The following PFKP variants were observed in gnomAD, a reference collection of about 807,000 sequenced individuals.
PFKP encodes ATP-dependent 6-phosphofructokinase, platelet type.
In PFKP, 101 loss-of-function variants were observed where a neutral mutation model predicts 94.3. That is an observed-to-expected ratio of 1.07 (90% confidence interval 0.91 to 1.26). The LOEUF is 1.26. Ranked by LOEUF, PFKP falls within the 50% of genes most tolerant of loss-of-function variation. The pLI is 0.00. For missense variants in PFKP, 1,145 were observed against 1,103.3 expected (o/e 1.04, Z -0.53); for synonymous variants, 573 against 432.6 (o/e 1.32, Z -4.03).
chr10:3,133,335 G>A (rs1838819303), intron 19 of PFKP, 21 bp downstream of exon 19: 1 of 1,478,418 alleles, frequency 6.8e-7, no homozygotes, highest in Non-Finnish European at 9.5e-7. Flanking sequence ...GACTGCATGA[G>A]GGGCCACAAA....
chr10:3,076,298 C>T (rs957589877), intron 1 of PFKP, among the ~76,000 whole-genome samples: 2 of 152,040 alleles, frequency 1.3e-5, no homozygotes, highest in South Asian at 2.1e-4. Flanking sequence ...GGTGTTTTTG[C>T]GAAGGCTCTG....
intron 2 of PFKP, among the ~76,000 whole-genome samples, chr10:3,083,136 G>T (rs540829694): frequency 7.2e-5 from 11 of 152,342 alleles, no homozygotes; most frequent in African/African-American, 2.6e-4. Context: ...TGCTGTAGAA[G>T]TGATTTATTA....
At chr10:3,110,514 CTGT>C (rs1329653481) in intron 10 of PFKP, among the ~76,000 whole-genome samples, 2 of 152,058 alleles carry the variant, frequency 1.3e-5, no homozygotes, top group South Asian at 4.1e-4. Flanking sequence ...CCACGCCCAG[CTGT>C]TGTTTTATTT....
intron 16 of PFKP, chr10:3,125,313 G>C (rs1588549592): frequency 9.1e-7 from 1 of 1,099,230 alleles, no homozygotes; most frequent in South Asian, 1.7e-5. Flanking sequence ...TGTTTCTTCT[G>C]TGCTAAGGAT....
intron 1 of PFKP, among the ~76,000 whole-genome samples, chr10:3,078,303 G>C (rs1429920991): frequency 2.0e-5 from 3 of 152,184 alleles, no homozygotes. Context: ...CTGTCCTGTG[G>C]GTGACAGCCC....
At chr10:3,095,900 G>A (rs898854001) in intron 2 of PFKP, among the ~76,000 whole-genome samples, 3 of 152,176 alleles carry the variant, frequency 2.0e-5, no homozygotes, top group African/African-American at 4.8e-5. Context: ...CTTAGCTCAC[G>A]CATGCACTAG....
intron 13 of PFKP, among the ~76,000 whole-genome samples, chr10:3,115,180 C>T (rs1417549869): frequency 6.6e-6 from 1 of 152,148 alleles, no homozygotes; most frequent in Non-Finnish European, 1.5e-5. Context: ...ACACTTCTTG[C>T]AGGTAGGATG....
chr10:3,068,933 G>A (rs1831955314), intron 1 of PFKP, among the ~76,000 whole-genome samples: 1 of 152,166 alleles, frequency 6.6e-6, no homozygotes, highest in African/African-American at 2.4e-5. Context: ...TTGGAGCGGG[G>A]ATGCACCCCC....
chr10:3,097,120 G>C (rs1316408212), intron 2 of PFKP, among the ~76,000 whole-genome samples: 2 of 148,996 alleles, frequency 1.3e-5, no homozygotes, highest in East Asian at 3.9e-4. Context: ...TGGGGTGGTA[G>C]AGATCACTGA....
At chr10:3,118,985 C>T (rs1435784908) in intron 15 of PFKP, 116 bp downstream of exon 15, 2 of 714,386 alleles carry the variant, frequency 2.8e-6, no homozygotes, top group Non-Finnish European at 4.7e-6. Flanking sequence ...GGTTCCCAGA[C>T]CCAGCGGCCA....
chr10:3,083,273 A>AGT (rs1221109518), intron 2 of PFKP, among the ~76,000 whole-genome samples: 3 of 152,238 alleles, frequency 2.0e-5, no homozygotes, highest in African/African-American at 7.2e-5. Flanking sequence ...AAATAGCAGG[A>AGT]GTGACTCCCT....
At chr10:3,122,676 C>T (rs912412891) in intron 16 of PFKP, among the ~76,000 whole-genome samples, 3 of 152,186 alleles carry the variant, frequency 2.0e-5, no homozygotes, top group African/African-American at 7.2e-5. Context: ...CCGGCCACAC[C>T]CTCTGTGACT....
At chr10:3,107,914 C>T (rs1564312335) in intron 8 of PFKP, 1 of 1,289,574 alleles carries the variant, frequency 7.8e-7, no homozygotes, top group East Asian at 5.5e-5. Flanking sequence ...GCTGCCGGGG[C>T]TGGGGATGGG....
chr10:3,132,252 G>A (rs144427517), intron 17 of PFKP, 128 bp from the exon 18 acceptor site: 28 of 669,870 alleles, frequency 4.2e-5, no homozygotes, highest in African/African-American at 2.7e-4. Context: ...CCCAAGCCGC[G>A]AGAGCTGCAG....
At chr10:3,090,567 C>G (rs10751914) in intron 2 of PFKP, among the ~76,000 whole-genome samples, 118,812 of 151,928 alleles carry the variant, frequency 0.78, 47,373 homozygotes, top group East Asian at 0.94. Flanking sequence ...CCCTCCCCGG[C>G]CTGGTCTCTG....
chr10:3,134,918 GC>G (rs1839050895), intron 20 of PFKP, among the ~76,000 whole-genome samples: 1 of 152,142 alleles, frequency 6.6e-6, no homozygotes, highest in African/African-American at 2.4e-5. Context: ...TTGAATGTTT[GC>G]TAGGACAACC....
intron 16 of PFKP, among the ~76,000 whole-genome samples, chr10:3,122,294 G>C (rs935750239): frequency 6.6e-6 from 1 of 152,132 alleles, no homozygotes; most frequent in African/African-American, 2.4e-5. Flanking sequence ...TTCTAGTCTC[G>C]TGATGGGTGA....
At position 3,107,814 on chromosome 10, in the gene PFKP, G is replaced by A. The variant is rs538971657; in HGVS notation, c.870+505G>A. On this transcript the variant is annotated intron_variant, in intron 8 of 21. Coordinates refer to ENST00000381125, the MANE Select transcript of PFKP (RefSeq NM_002627.5). ...GCTTTGGCAGGCTTTGGCAGGCTTC[G>A]TGCCCTGGGACTTGCTCAGGCCAGT... The A allele has an allele frequency of 3.7e-4, 455 of 1,223,156 alleles. 3 individuals are homozygous for A. In the African/African-American group the frequency reaches 6.0e-3, roughly 16 times the overall value. 75.8% of individuals were successfully genotyped at this position (1,223,156 alleles called of 1,614,324 possible).
chr10:3,070,828 G>A (rs1368208950), intron 1 of PFKP, among the ~76,000 whole-genome samples: 1 of 152,080 alleles, frequency 6.6e-6, no homozygotes, highest in Non-Finnish European at 1.5e-5. Flanking sequence ...AAACTCCTGG[G>A]CTCAAGTGAT....
Sources: allele counts gnomAD v4.1 joint callset (sites outside exome capture counted in the v4.1 genomes callset), GRCh38; gene constraint gnomAD v4.1.1; transcripts MANE v1.5; gene names NCBI Gene and HGNC (gene_info 2026-07-23, HGNC 2026-07-21).